Variants in PCLO observed in about 807,000 individuals in gnomAD.
PCLO encodes protein piccolo.
In PCLO, 82 loss-of-function variants were observed where a neutral mutation model predicts 427.5. The ratio of observed to expected loss-of-function variants is 0.19; its 90% CI spans 0.16 to 0.23. The LOEUF is 0.23. Ranked by LOEUF, PCLO falls within the 10% of genes least tolerant of loss-of-function variation. PCLO has a pLI of 1.00. For missense variants in PCLO, 6,239 were observed against 6,115.9 expected (o/e 1.02, Z -0.67); for synonymous variants, 2,357 against 2,155.4 (o/e 1.09, Z -2.59).
intron 16 of PCLO, among the ~76,000 whole-genome samples, chr7:82,833,542 C>T (rs1465954676): frequency 6.6e-6 from 1 of 152,078 alleles, no homozygotes; most frequent in Admixed American, 6.6e-5. Context: ...GAAACCAAAT[C>T]AGTGTACTTT....
chr7:82,940,755 C>CTTTTTTTTTT (rs71531190), intron 6 of PCLO, among the ~76,000 whole-genome samples: 6 of 109,136 alleles, frequency 5.5e-5, no homozygotes, highest in Non-Finnish European at 5.4e-5. Flanking sequence ...TTTTTTCTTT[C>CTTTTTTTTTT]TTTTTTTTTT....
At chr7:83,144,402 C>T (rs1292192383) in intron 2 of PCLO, among the ~76,000 whole-genome samples, 2 of 151,906 alleles carry the variant, frequency 1.3e-5, no homozygotes, top group Admixed American at 6.6e-5. Flanking sequence ...GCCTGCACAA[C>T]GAGAGTGAAA....
chr7:82,984,067 T>G (rs1796205477), intron 3 of PCLO, among the ~76,000 whole-genome samples: 1 of 151,988 alleles, frequency 6.6e-6, no homozygotes. Context: ...AAATGTTGCC[T>G]TTTAGAATAA....
intron 10 of PCLO, among the ~76,000 whole-genome samples, chr7:82,853,445 A>T (rs1006268996): frequency 6.6e-6 from 1 of 152,090 alleles, no homozygotes; most frequent in Non-Finnish European, 1.5e-5. Flanking sequence ...ATTAACTAGG[A>T]CACTGTTTCT....
intron 8 of PCLO, 107 bp from the exon 9 acceptor site, chr7:82,902,848 A>T: frequency 1.6e-6 from 1 of 632,930 alleles, no homozygotes; most frequent in Non-Finnish European, 2.8e-6. Context: ...AAATCAATGG[A>T]ACGTAGTAGG....
chr7:82,905,841 T>A (rs1794176344), intron 8 of PCLO, among the ~76,000 whole-genome samples: 1 of 152,024 alleles, frequency 6.6e-6, no homozygotes, highest in South Asian at 2.1e-4. Flanking sequence ...TGAAGGGATT[T>A]TATAATAGTC....
chr7:82,948,337 A>G (rs966482163), intron 6 of PCLO, among the ~76,000 whole-genome samples: 1 of 152,050 alleles, frequency 6.6e-6, no homozygotes, highest in Non-Finnish European at 1.5e-5. Flanking sequence ...GAAAACTAGA[A>G]AACATAAATA....
Position 82,908,962 on chromosome 7 carries a change from G to A in PCLO, c.13352C>T (p.Ser4451Phe), listed in dbSNP as rs267601586. ...CAGACCATGTCCATTTTCCAAACGA[G>A]ACTCCCTGGGTTTATCAAACCAATC... ...ETDWFDKPRE[S>F]RLENGHGLDR... The change falls in exon 8 of 25, where the codon TCT becomes TTT. Residue 4451 changes from serine to phenylalanine, a missense_variant. Coordinates refer to ENST00000333891, the MANE Select transcript of PCLO (RefSeq NM_033026.6). 1 of 1,612,820 alleles carries A rather than the reference G, an allele frequency of 6.2e-7. No homozygotes were observed. Among genetic ancestry groups the A allele is most frequent in the Non-Finnish European group, 8.5e-7 (1 of 1,179,190 alleles).
chr7:82,852,644 C>A lies in PCLO; in HGVS notation c.13655-5397G>T, dbSNP rs550571270. Among the ~76,000 whole-genome samples, 21 of 152,200 alleles carry A rather than the reference C, an allele frequency of 1.4e-4. 1 individual carries two copies. The South Asian group carries it at 4.2e-3, about 30-fold the overall frequency. On this transcript the variant is annotated intron_variant, in intron 10 of 24. Coordinates refer to ENST00000333891, the MANE Select transcript of PCLO (RefSeq NM_033026.6). The stretch of plus-strand genomic sequence containing the variant: ...CACTACTGGTTTCCTTGCTCCTCAA[C>A]TTGCAGATGGCCTATCATGCGACTT...
chr7:82,931,376 A>C (rs1299721530), intron 6 of PCLO, among the ~76,000 whole-genome samples: 1 of 152,180 alleles, frequency 6.6e-6, no homozygotes, highest in Non-Finnish European at 1.5e-5. Flanking sequence ...GCTAAGGTAT[A>C]ACAAATCACC....
chr7:83,132,698 G>C (rs140297206), intron 3 of PCLO, among the ~76,000 whole-genome samples: 3 of 152,054 alleles, frequency 2.0e-5, no homozygotes, highest in South Asian at 2.1e-4. Context: ...TTTTAAGTGT[G>C]TAAAAATATA....
chr7:82,818,594 C>G (rs1237248851), intron 20 of PCLO, among the ~76,000 whole-genome samples: 1 of 152,104 alleles, frequency 6.6e-6, no homozygotes, highest in Non-Finnish European at 1.5e-5. Context: ...CATGACTGTT[C>G]TTATTAAAAT....
intron 3 of PCLO, among the ~76,000 whole-genome samples, chr7:82,989,129 G>A (rs907255412): frequency 4.6e-5 from 7 of 152,092 alleles, no homozygotes; most frequent in African/African-American, 1.7e-4. Flanking sequence ...TGGCCAAGGA[G>A]CAGAATTTCT....
At chr7:82,792,553 C>A (rs1043583596) in intron 22 of PCLO, among the ~76,000 whole-genome samples, 3 of 152,092 alleles carry the variant, frequency 2.0e-5, no homozygotes, top group African/African-American at 7.2e-5. Context: ...CTCTTGAACT[C>A]TTGGACTCAA....
chr7:83,083,207 A>G (rs1210279194), intron 3 of PCLO, among the ~76,000 whole-genome samples: 1 of 152,012 alleles, frequency 6.6e-6, no homozygotes, highest in Non-Finnish European at 1.5e-5. Flanking sequence ...TAACTGAAAT[A>G]GATAATGTTA....
chr7:83,051,370 C>T (rs1357520900), intron 3 of PCLO, among the ~76,000 whole-genome samples: 1 of 152,010 alleles, frequency 6.6e-6, no homozygotes, highest in African/African-American at 2.4e-5. Flanking sequence ...TTGCAGAATA[C>T]AAGGCTAACA....
At chr7:83,156,423 AAGTG>A in intron 1 of PCLO, 31 bp from the exon 2 acceptor site, 23 of 1,226,086 alleles carry the variant, frequency 1.9e-5, no homozygotes, top group Non-Finnish European at 2.5e-5. Context: ...AAAAAAAATC[AAGTG>A]AAAATAATGG....
At chr7:83,046,880 T>C (rs1480861021) in intron 3 of PCLO, among the ~76,000 whole-genome samples, 2 of 151,950 alleles carry the variant, frequency 1.3e-5, no homozygotes, top group Non-Finnish European at 2.9e-5. Context: ...CAAAGCTGGG[T>C]TTTGCCCAGA....
At chr7:83,112,364 T>G (rs1791026447) in intron 3 of PCLO, among the ~76,000 whole-genome samples, 1 of 152,118 alleles carries the variant, frequency 6.6e-6, no homozygotes, top group Admixed American at 6.6e-5. Context: ...CCTGATTGTA[T>G]TTTTTTAAGA....
Sources: allele counts gnomAD v4.1 joint callset (sites outside exome capture counted in the v4.1 genomes callset), GRCh38; gene constraint gnomAD v4.1.1; transcripts MANE v1.5; gene names NCBI Gene and HGNC (gene_info 2026-07-23, HGNC 2026-07-21).